Variants in WDR31 observed in about 807,000 individuals in gnomAD.
WDR31 encodes WD repeat domain 31.
WDR31 carries 30 observed loss-of-function variants against 47.3 expected under a neutral mutation model. That is an observed-to-expected ratio of 0.63 (90% CI 0.47 to 0.86). The LOEUF (loss-of-function observed/expected upper bound fraction) is 0.86. Among genes scored for constraint, WDR31 ranks in the 40% least tolerant of loss-of-function variants. The pLI is 0.00. For synonymous variants in WDR31, 137 were observed against 159.4 expected, an observed-to-expected ratio of 0.86 and a Z score of 1.06; for missense variants, 406 against 442.9, an observed-to-expected ratio of 0.92 and a Z score of 0.75.
At position 113,336,356 on chromosome 9, in the gene WDR31, A is replaced by G. The variant is rs911491649; in HGVS notation, c.-97T>C. On this transcript the variant is annotated 5_prime_UTR_variant, in exon 2 of 11. Transcript: ENST00000374193. Reference sequence around the variant, plus strand: ...AATTTGTAATGTGTATCCTTTGGAAAATAGTTCAGGCAGCCACTTCTTAAT... The same window carrying G: ...AATTTGTAATGTGTATCCTTTGGAAGATAGTTCAGGCAGCCACTTCTTAAT... The G allele has an allele frequency of 2.9e-4, 44 of 152,354 alleles. No homozygotes were observed. The highest frequency in any genetic ancestry group is 8.7e-4 in the African/African-American group (36 of 41,576). 9.4% of individuals were successfully genotyped at this position (152,354 alleles called of 1,614,324 possible).
chr9:113,332,529 A>C (rs1205078559), intron 2 of WDR31, among the ~76,000 whole-genome samples: 1 of 152,234 alleles, frequency 6.6e-6, no homozygotes, highest in Non-Finnish European at 1.5e-5. Flanking sequence ...CATGCTAAGC[A>C]AAAGAAGCCA....
chr9:113,329,431 G>A (rs562072558), intron 4 of WDR31, among the ~76,000 whole-genome samples: 5 of 151,726 alleles, frequency 3.3e-5, no homozygotes, highest in Middle Eastern at 3.4e-3. Flanking sequence ...ACCTGAGGTC[G>A]GGAGTTTGAG....
rs191612266 is a variant in WDR31 at position 113,328,942 on chromosome 9, T to G, written c.263A>C (p.Tyr88Ser). The change falls in exon 5 of 11, where the codon TAT (tyrosine) becomes TCT (serine). Residue 88 changes from tyrosine (Y) to serine (S), a missense_variant. By Grantham distance (144) the Tyr-to-Ser change is moderately radical (BLOSUM62 -2). Transcript: ENST00000374193. ...CACCACATTTCCAGTTTTCCAATTATAGGCCACAACTGTCTGAAGAGAGTG... is the reference window on the plus strand; with the variant it reads ...CACCACATTTCCAGTTTTCCAATTAGAGGCCACAACTGTCTGAAGAGAGTG... ...SGGKDKTVVA[Y>S]NWKTGNVVKR... The G allele has an allele frequency of 6.2e-7, 1 of 1,614,048 alleles. No homozygotes were observed. The highest frequency in any genetic ancestry group is 2.2e-5 in the East Asian group (1 of 44,888).
At chr9:113,321,962 G>A (rs1386350023) in intron 7 of WDR31, among the ~76,000 whole-genome samples, 1 of 152,098 alleles carries the variant, frequency 6.6e-6, no homozygotes, top group Non-Finnish European at 1.5e-5. Context: ...GGTCCCTGCT[G>A]GATAGGCATA....
intron 5 of WDR31, among the ~76,000 whole-genome samples, chr9:113,325,230 CA>C (rs1833435872): frequency 6.6e-6 from 1 of 152,138 alleles, no homozygotes; most frequent in Non-Finnish European, 1.5e-5. Context: ...GCTGGGATTA[CA>C]GGCATGAGCC....
At chr9:113,333,562 T>C (rs371018125) in intron 2 of WDR31, among the ~76,000 whole-genome samples, 2 of 151,312 alleles carry the variant, frequency 1.3e-5, no homozygotes, top group Non-Finnish European at 3.0e-5. Context: ...TTTGTATTTT[T>C]AGTAGAGACG....
rs1409909920 is a variant in WDR31, at chr9:113,318,619, T to A, written c.799A>T (p.Thr267Ser). The A allele has an allele frequency of 1.2e-6, 2 of 1,614,000 alleles. No homozygotes were observed. Among genetic ancestry groups the A allele is most frequent in the African/African-American group, 2.7e-5 (2 of 75,000 alleles). The stretch of plus-strand genomic sequence containing the variant: ...TTATACTCACATATTCTGTTTCGAG[T>A]CTGTCTTAGGTCCCACAACTGCAAA... ...CEATLWDLRQTRNRICEYKGH... is the reference protein window; with the variant it reads ...CEATLWDLRQSRNRICEYKGH... The change falls in exon 10 of 11, where the codon ACT (threonine) becomes TCT (serine). Residue 267 changes from threonine to serine, a missense_variant. Transcript: ENST00000374193.
intron 7 of WDR31, among the ~76,000 whole-genome samples, chr9:113,321,816 G>A (rs1833332621): frequency 6.6e-6 from 1 of 152,094 alleles, no homozygotes; most frequent in African/African-American, 2.4e-5. Context: ...ATACATGCAG[G>A]CACCCTAAGA....
intron 1 of WDR31, among the ~76,000 whole-genome samples, chr9:113,339,095 G>C (rs1445981414): frequency 6.6e-6 from 1 of 152,186 alleles, no homozygotes; most frequent in Non-Finnish European, 1.5e-5. Context: ...GTTGGTTCCA[G>C]TTGGAACCAG....
chr9:113,317,604 G>C (rs1212822564), intron 10 of WDR31, among the ~76,000 whole-genome samples: 3 of 152,252 alleles, frequency 2.0e-5, no homozygotes, highest in Non-Finnish European at 2.9e-5. Context: ...GGCCACAGCT[G>C]TTTGCAGAAT....
chr9:113,331,031 C>T lies in WDR31; in HGVS notation c.202G>A (p.Val68Met), dbSNP rs137965687. The change falls in exon 4 of 11, where the codon GTG becomes ATG. Residue 68 changes from valine (V) to methionine (M), a missense_variant. By Grantham distance (21) the Val-to-Met change is conservative (BLOSUM62 1). Coordinates refer to ENST00000374193, the MANE Select transcript of WDR31 (RefSeq NM_001012361.4). ...SPAHMDTVSVVAALNSDLCVS... is the reference protein window; with the variant it reads ...SPAHMDTVSVMAALNSDLCVS... ...CAAAGGTCTGAGTTCAAAGCAGCCA[C>T]GACAGAGACGGTATCCATGTGAGCT... 122 of 1,612,362 alleles carry T rather than the reference C, an allele frequency of 7.6e-5. No homozygotes were observed. The highest frequency in any genetic ancestry group is 2.9e-4 in the East Asian group (13 of 44,886).
At chr9:113,316,957 A>T in intron 10 of WDR31, 48 bp from the exon 11 acceptor site, 1 of 1,581,974 alleles carries the variant, frequency 6.3e-7, no homozygotes, top group Non-Finnish European at 8.6e-7. Context: ...GTGTAGCATC[A>T]TGAAATGTGA....
In WDR31 at chr9:113,313,769, G is replaced by T. The variant is rs1412152785; in HGVS notation, c.*2980C>A. Reference sequence around the variant, plus strand: ...CCCTCTGTAGATGCTCAGTGACCGGGCTTCCTCTCCCACTATCTCTTTGTC... The same window carrying T: ...CCCTCTGTAGATGCTCAGTGACCGGTCTTCCTCTCCCACTATCTCTTTGTC... On this transcript the variant is annotated 3_prime_UTR_variant, in exon 11 of 11. Transcript: ENST00000374193. 6.6e-6 allele frequency: 1 copy of T among 152,176 alleles called. No homozygotes were observed. Among genetic ancestry groups the T allele is most frequent in the Non-Finnish European group, 1.5e-5 (1 of 68,040 alleles). The allele number at this position is 152,176 out of a possible 1,614,324, so 9.4% of individuals were successfully genotyped here.
chr9:113,326,609 G>A (rs1833475474), intron 5 of WDR31, among the ~76,000 whole-genome samples: 1 of 151,750 alleles, frequency 6.6e-6, no homozygotes, highest in East Asian at 1.9e-4. Flanking sequence ...TTTGACTATA[G>A]GTATGCACCA....
chr9:113,334,524 A>G (rs1554730807), intron 2 of WDR31, among the ~76,000 whole-genome samples: 4 of 151,886 alleles, frequency 2.6e-5, no homozygotes, highest in Non-Finnish European at 1.5e-5. Flanking sequence ...TTTAAAATTA[A>G]TTAATTAATT....
In WDR31 at chr9:113,316,623, T is replaced by A; in HGVS notation, c.*126A>T. ...TTGGACTTACAACACTGATACATCT[T>A]GTAAATGAACCTAAGCAAAGAATAC... is the stretch of plus-strand genomic sequence containing the variant. On this transcript the variant is annotated 3_prime_UTR_variant, in exon 11 of 11. Coordinates refer to ENST00000374193, the MANE Select transcript of WDR31 (RefSeq NM_001012361.4). The A allele has an allele frequency of 4.2e-6, 5 of 1,203,702 alleles. No individual in the cohort carries two copies. The highest frequency in any genetic ancestry group is 4.6e-6 in the Non-Finnish European group (4 of 870,896). 74.6% of individuals were successfully genotyped at this position (1,203,702 alleles called of 1,614,324 possible).
chr9:113,337,140 T>C (rs998378677), intron 1 of WDR31, among the ~76,000 whole-genome samples: 56 of 152,238 alleles, frequency 3.7e-4, no homozygotes, highest in Non-Finnish European at 1.0e-4. Flanking sequence ...CTGCATTAGA[T>C]AGGACTAGTT....
chr9:113,332,659 A>G (rs1199990628), intron 2 of WDR31, among the ~76,000 whole-genome samples: 1 of 152,202 alleles, frequency 6.6e-6, no homozygotes, highest in East Asian at 1.9e-4. Context: ...GAGACTGGGG[A>G]GTGACTACTT....
Position 113,316,737 on chromosome 9 carries a change from T to C in WDR31, c.*12A>G. 1 of 1,611,580 alleles carries C rather than the reference T, an allele frequency of 6.2e-7. No homozygotes were observed. The highest frequency in any genetic ancestry group is 1.1e-5 in the South Asian group (1 of 90,632). The stretch of plus-strand genomic sequence containing the variant: ...CCATGGTTTGATATTGTCCAGTGAG[T>C]GTCTCTTGGCCTCAGAATGCTGCCA... On this transcript the variant is annotated 3_prime_UTR_variant, in exon 11 of 11. Coordinates refer to ENST00000374193, the MANE Select transcript of WDR31 (RefSeq NM_001012361.4).
Sources: allele counts gnomAD v4.1 joint callset (sites outside exome capture counted in the v4.1 genomes callset), GRCh38; gene constraint gnomAD v4.1.1; transcripts MANE v1.5; gene names NCBI Gene and HGNC (gene_info 2026-07-23, HGNC 2026-07-21).